SYTL2: variants seen among roughly 807,000 people sequenced by gnomAD.
The protein encoded by SYTL2 is synaptotagmin like 2, also known as synaptotagmin-like protein 2.
Under a neutral mutation model 198.7 loss-of-function variants are expected in SYTL2, and 165 were observed. The ratio of observed to expected loss-of-function variants is 0.83; its 90% CI spans 0.73 to 0.94. SYTL2 has a LOEUF of 0.94. Among genes scored for constraint, SYTL2 ranks in the 40% least tolerant of loss-of-function variants. The pLI is 0.00. For synonymous variants in SYTL2, 966 were observed against 917.7 expected (o/e 1.05, Z -0.95); for missense variants, 2,835 against 2,582.8 (o/e 1.10, Z -2.12).
At chr11:85,717,061 T>G (rs565758852) in intron 11 of SYTL2, 1 of 153,374 alleles carries the variant, frequency 6.5e-6, no homozygotes, top group East Asian at 1.9e-4. Flanking sequence ...AGTTCTTTCA[T>G]AGGTCCAAAT....
chr11:85,749,120 A>G (rs1358396581), intron 2 of SYTL2, among the ~76,000 whole-genome samples: 1 of 152,218 alleles, frequency 6.6e-6, no homozygotes, highest in Admixed American at 6.5e-5. Flanking sequence ...TTTCACAATT[A>G]TTCATGCTTA....
chr11:85,735,169 G>A (rs1011319548), intron 6 of SYTL2, among the ~76,000 whole-genome samples: 13 of 152,200 alleles, frequency 8.5e-5, no homozygotes, highest in Admixed American at 6.5e-4. Flanking sequence ...GAAAACGTCT[G>A]TATCTTTTGC....
At position 85,734,204 on chromosome 11, in the gene SYTL2, T is replaced by C; in HGVS notation, c.1125A>G (p.Thr375=). ...LKNGMEDAGD[T]EEFQSDPKPS... ...GCTTAGGGTCACTCTGAAACTCTTC[T>C]GTGTCCCCTGCATCTTCCATTCCAT... The change falls in exon 7 of 20, where the codon ACA becomes ACG. Residue 375 remains threonine (T), a synonymous_variant. Transcript: ENST00000359152. The C allele has an allele frequency of 6.2e-7, 1 of 1,614,218 alleles. No individual in the cohort carries two copies.
At chr11:85,814,709 A>C (rs1159884139), upstream of SYTL2, among the ~76,000 whole-genome samples, 5 of 152,252 alleles carry the variant, frequency 3.3e-5, no homozygotes, top group African/African-American at 1.2e-4. Flanking sequence ...TTGTAGAGTC[A>C]CAGGCACATT....
At chr11:85,752,917 TAAAAAAAAAAAAAAAAAAAA>T (rs1162431708) in intron 2 of SYTL2, among the ~76,000 whole-genome samples, 5 of 17,704 alleles carry the variant, frequency 2.8e-4, no homozygotes, top group Admixed American at 2.7e-3. Context: ...CTGCCTTCAT[TAAAAAAAAAAAAAAAAAAAA>T]AAAAAAAAAA....
At chr11:85,846,507 T>C in the SYTL2 span, among the ~76,000 whole-genome samples, 1 of 152,156 alleles carries the variant, frequency 6.6e-6, no homozygotes, top group Non-Finnish European at 1.5e-5. Flanking sequence ...CAGCTCACTG[T>C]ACCCTCTGCT....
chr11:85,772,571 G>A (rs1245278256), intron 1 of SYTL2, among the ~76,000 whole-genome samples: 2 of 152,182 alleles, frequency 1.3e-5, no homozygotes, highest in Non-Finnish European at 2.9e-5. Context: ...TATTCCAGAA[G>A]GACCTTCACT....
At chr11:85,765,709 G>A (rs2092222278) in intron 1 of SYTL2, among the ~76,000 whole-genome samples, 1 of 152,120 alleles carries the variant, frequency 6.6e-6, no homozygotes, top group Non-Finnish European at 1.5e-5. Context: ...AACTGGCTTG[G>A]TGGTCTCAAA....
Position 85,748,293 on chromosome 11 carries a change from T to G in SYTL2, c.232A>C (p.Lys78Gln). The change falls in exon 3 of 20, where the codon AAG becomes CAG. Residue 78 changes from lysine (K) to glutamine (Q), a missense_variant. Coordinates refer to ENST00000359152, the MANE Select transcript of SYTL2 (RefSeq NM_206927.4). ...TCACCTGCTATCTGGGGCCTCTTCT[T>G]TCTCATAGATGCTCTGATGATATCT... is the stretch of plus-strand genomic sequence containing the variant. ...GADIIRASMR[K>Q]KRPQIAAEQS... is the part of the protein sequence containing the mutation. 6.2e-7 allele frequency: 1 copy of G among 1,613,608 alleles called. No individual in the cohort carries two copies. The highest frequency in any genetic ancestry group is 1.7e-5 in the Admixed American group (1 of 59,986).
the SYTL2 span, among the ~76,000 whole-genome samples, chr11:85,841,681 T>C: frequency 6.6e-6 from 1 of 151,554 alleles, no homozygotes; most frequent in Non-Finnish European, 1.5e-5. Flanking sequence ...GTATGGAGGG[T>C]GGGAAGAGGG....
chr11:85,732,033 C>G lies in SYTL2; in HGVS notation c.1390+1906G>C, dbSNP rs761523798. ...GTCATTAGAGAAATGCAAATCAAAA[C>G]CACAATGAGATACCATCTCACTCCA... On this transcript the variant is annotated intron_variant, in intron 7 of 19. Coordinates refer to ENST00000359152, the MANE Select transcript of SYTL2 (RefSeq NM_206927.4). 7.4e-4 allele frequency among the ~76,000 whole-genome samples: 113 copies of G among 152,104 alleles called. 1 individual carries two copies. Among genetic ancestry groups the G allele is most frequent in the Non-Finnish European group, 5.7e-4 (39 of 68,010 alleles).
At chr11:85,794,447 G>A (rs1332117391) in intron 1 of SYTL2, among the ~76,000 whole-genome samples, 3 of 152,120 alleles carry the variant, frequency 2.0e-5, no homozygotes, top group Non-Finnish European at 4.4e-5. Context: ...CCAAAGTGCT[G>A]GGATTACAGT....
chr11:85,791,882 C>T (rs2092735570), intron 1 of SYTL2, among the ~76,000 whole-genome samples: 1 of 152,074 alleles, frequency 6.6e-6, no homozygotes, highest in Admixed American at 6.5e-5. Flanking sequence ...AGGCCCATAA[C>T]TCCCAATCTC....
chr11:85,758,908 T>A (rs190783288), intron 1 of SYTL2, among the ~76,000 whole-genome samples: 11 of 152,326 alleles, frequency 7.2e-5, no homozygotes, highest in Admixed American at 3.3e-4. Context: ...GGGGCACTTT[T>A]AACAAGTGCA....
intron 1 of SYTL2, among the ~76,000 whole-genome samples, chr11:85,761,057 G>A (rs1388279145): frequency 6.6e-6 from 1 of 152,094 alleles, no homozygotes; most frequent in Non-Finnish European, 1.5e-5. Context: ...TTTATTGAGA[G>A]ACTGGCACTA....
chr11:85,786,327 A>G (rs552150562), intron 1 of SYTL2, among the ~76,000 whole-genome samples: 2 of 152,188 alleles, frequency 1.3e-5, no homozygotes, highest in Admixed American at 6.5e-5. Flanking sequence ...GTAACTGGTC[A>G]GTATCTGGCC....
At chr11:85,835,673 C>G in the SYTL2 span, among the ~76,000 whole-genome samples, 2 of 152,168 alleles carry the variant, frequency 1.3e-5, no homozygotes, top group African/African-American at 4.8e-5. Context: ...AACTCTCCTG[C>G]TCCAGTTGGG....
chr11:85,833,380 CTCAT>C, the SYTL2 span, among the ~76,000 whole-genome samples: 1 of 145,846 alleles, frequency 6.9e-6, no homozygotes, highest in East Asian at 2.0e-4. Context: ...TATGATATAT[CTCAT>C]ATATATATCA....
the SYTL2 span, among the ~76,000 whole-genome samples, chr11:85,835,035 C>A: frequency 6.6e-6 from 1 of 152,134 alleles, no homozygotes; most frequent in African/African-American, 2.4e-5. Context: ...GCTGGGATTA[C>A]AGGACTGAGC....
Sources: gnomAD v4.1 joint callset for allele counts (sites outside exome capture counted in the v4.1 genomes callset) on GRCh38, gnomAD v4.1.1 for gene constraint, MANE v1.5 for transcripts, NCBI Gene and HGNC (gene_info 2026-07-23, HGNC 2026-07-21) for gene names.